The following SLC12A5 variants were observed in gnomAD, a reference collection of about 807,000 sequenced individuals.
SLC12A5 encodes the protein K-Cl cotransporter 2.
A neutral mutation model predicts 124.0 loss-of-function variants in SLC12A5; 18 were observed. The observed-to-expected ratio is 0.15, with a 90% confidence interval of 0.10 to 0.22. SLC12A5 has a LOEUF of 0.22. Among genes scored for constraint, SLC12A5 ranks in the 10% least tolerant of loss-of-function variants. The probability of loss-of-function intolerance (pLI) is 1.00; values close to 1 mark genes in which losing one functional copy is unlikely to be tolerated. For missense variants in SLC12A5, 867 were observed against 1,478.7 expected, an observed-to-expected ratio of 0.59 and a Z score of 6.78; for synonymous variants, 589 against 568.0, an observed-to-expected ratio of 1.04 and a Z score of -0.53.
intron 21 of SLC12A5, chr20:46,055,804 C>A: frequency 3.6e-6 from 1 of 277,636 alleles, no homozygotes; most frequent in Non-Finnish European, 6.9e-6. Context: ...ATGGATCCTC[C>A]AAGGCTGGGA....
intron 6 of SLC12A5, among the ~76,000 whole-genome samples, chr20:46,039,490 T>C (rs1199335955): frequency 6.6e-6 from 1 of 152,202 alleles, no homozygotes; most frequent in Non-Finnish European, 1.5e-5. Context: ...ATCTATGTCA[T>C]CTGGCCGGGC....
At chr20:46,030,743 G>A (rs558987495) in intron 1 of SLC12A5, among the ~76,000 whole-genome samples, 10 of 151,904 alleles carry the variant, frequency 6.6e-5, no homozygotes, top group African/African-American at 2.4e-4. Flanking sequence ...TGGATCTCAG[G>A]GCCAAGTGGC....
At chr20:46,046,477 C>T (rs755056658) in intron 14 of SLC12A5, 41 bp downstream of exon 14, 27 of 1,560,750 alleles carry the variant, frequency 1.7e-5, no homozygotes, top group East Asian at 4.5e-5. Flanking sequence ...GCCACTTGCT[C>T]ACCTCCACGC....
intron 17 of SLC12A5, 139 bp downstream of exon 17, chr20:46,049,929 G>A: frequency 1.8e-6 from 2 of 1,101,164 alleles, no homozygotes; most frequent in Non-Finnish European, 2.5e-6. Context: ...CTTAGAGGAA[G>A]AGCCTAAGAG....
In SLC12A5 at chr20:46,048,007, T is replaced by C; in HGVS notation, c.1934T>C (p.Ile645Thr). The C allele has an allele frequency of 6.2e-7, 1 of 1,612,336 alleles. No homozygotes were observed. The highest frequency in any genetic ancestry group is 1.6e-4 in the Middle Eastern group (1 of 6,062). ...RGAEKEWGDG[I>T]RGLSLSAARY... The stretch of plus-strand genomic sequence containing the variant: ...GCAGAGAAGGAGTGGGGCGATGGGA[T>C]ACGAGGTCTGTCTCTCAGTGCGGCT... Residue 645 changes from isoleucine to threonine, a missense_variant, in exon 16 of 26, where the codon ATA becomes ACA. Coordinates refer to ENST00000243964, the MANE Select transcript of SLC12A5 (RefSeq NM_020708.5).
In SLC12A5 at chr20:46,036,814, G is replaced by T. The variant is rs556823087; in HGVS notation, c.481+19G>T. 1.2e-6 allele frequency: 2 copies of T among 1,613,788 alleles called. No individual in the cohort carries two copies. The highest frequency in any genetic ancestry group is 2.2e-5 in the East Asian group (1 of 44,874). On this transcript the variant is annotated intron_variant, in intron 5 of 25. Transcript: ENST00000243964. Reference sequence around the variant, plus strand: ...GTGCCTGGTAGGTGACTGGGGCTTTGTGGGGAGGGAGGATGGCTGGGTGGA... The same window carrying T: ...GTGCCTGGTAGGTGACTGGGGCTTTTTGGGGAGGGAGGATGGCTGGGTGGA...
chr20:46,026,835 G>T (rs1298450990), upstream of SLC12A5, among the ~76,000 whole-genome samples: 2 of 152,156 alleles, frequency 1.3e-5, no homozygotes, highest in Non-Finnish European at 2.9e-5. Flanking sequence ...TAGTGAAGGT[G>T]GACAGATGGG....
chr20:46,036,370 C>G (rs2084498440), intron 4 of SLC12A5, among the ~76,000 whole-genome samples: 2 of 152,204 alleles, frequency 1.3e-5, no homozygotes, highest in African/African-American at 4.8e-5. Context: ...TCGTACATAA[C>G]CTTGAGACAG....
chr20:46,045,008 G>A lies in SLC12A5; in HGVS notation c.1437G>A (p.Leu479=), dbSNP rs755333197. 36 of 1,614,176 alleles carry A rather than the reference G, an allele frequency of 2.2e-5. No individual in the cohort carries two copies. Among genetic ancestry groups the A allele is most frequent in the Non-Finnish European group, 3.0e-5 (35 of 1,180,024 alleles). ...ATGGCAACCTCGTGGTGGGCACTCT[G>A]GCCTGGCCATCTCCATGGGTAATTG... ...AVNGNLVVGT[L]AWPSPWVIVI... The change falls in exon 12 of 26, where the codon CTG becomes CTA. Residue 479 remains leucine (L), a synonymous_variant. Coordinates refer to ENST00000243964, the MANE Select transcript of SLC12A5 (RefSeq NM_020708.5). This position sits in a 1 kb window ranked among gnomAD's most constrained non-coding sequence, Gnocchi z 4.9.
rs1018667056 is a variant in SLC12A5 at position 46,045,341 on chromosome 20, G to C, written c.1569+201G>C. On this transcript the variant is annotated intron_variant, in intron 12 of 25. Coordinates refer to ENST00000243964, the MANE Select transcript of SLC12A5 (RefSeq NM_020708.5). This position sits in a 1 kb window ranked among gnomAD's most constrained non-coding sequence, Gnocchi z 4.9. Reference sequence around the variant, plus strand: ...TGTGGGGTGTCAGGAGTTGGGCAGGGCATTGGGTGGTGCCCTGTCTGTGGC... The same window carrying C: ...TGTGGGGTGTCAGGAGTTGGGCAGGCCATTGGGTGGTGCCCTGTCTGTGGC... 1.3e-5 allele frequency among the ~76,000 whole-genome samples: 2 copies of C among 152,194 alleles called. No homozygotes were observed. Among genetic ancestry groups the C allele is most frequent in the Non-Finnish European group, 2.9e-5 (2 of 68,028 alleles).
rs781152138 is a variant in SLC12A5, at chr20:46,056,568, C to T, written c.3110+4C>T. The T allele has an allele frequency of 1.4e-5, 22 of 1,612,938 alleles. No individual in the cohort carries two copies. Among genetic ancestry groups the T allele is most frequent in the East Asian group, 6.7e-5 (3 of 44,876 alleles). The stretch of plus-strand genomic sequence containing the variant: ...AGGACTTCTTCAGCATGAAGCCGTA[C>T]GGGCCTGGGGGCTAAGGGCTGGGGG... On this transcript the variant is annotated splice_donor_region_variant and intron_variant, in intron 23 of 25. Coordinates refer to ENST00000243964, the MANE Select transcript of SLC12A5 (RefSeq NM_020708.5). The surrounding 1 kb of genome is among the most constrained non-coding windows in gnomAD (Gnocchi z 4.3).
upstream of SLC12A5, among the ~76,000 whole-genome samples, chr20:46,024,653 G>A (rs906820699): frequency 6.6e-6 from 1 of 152,192 alleles, no homozygotes. Context: ...TGCCACTTGG[G>A]GGGCTTTCTG....
chr20:46,043,023 A>C, intron 8 of SLC12A5, 130 bp from the exon 9 acceptor site: 1 of 891,528 alleles, frequency 1.1e-6, no homozygotes, highest in Non-Finnish European at 1.8e-6. Context: ...GAAATGAAAT[A>C]GAGATAAGGC....
At chr20:46,047,245 G>C (rs1189211321) in intron 14 of SLC12A5, among the ~76,000 whole-genome samples, 1 of 152,178 alleles carries the variant, frequency 6.6e-6, no homozygotes, top group African/African-American at 2.4e-5. Context: ...AGGGCATTGG[G>C]TAGTGCCCTG....
intron 4 of SLC12A5, 26 bp downstream of exon 4, chr20:46,035,949 C>A (rs532451574): frequency 3.1e-6 from 5 of 1,590,626 alleles, no homozygotes; most frequent in Admixed American, 1.7e-5. Context: ...CCCCTCACCA[C>A]CCCCTGACAG....
Position 46,045,020 on chromosome 20 carries a change from T to C in SLC12A5, c.1449T>C (p.Ser483=), listed in dbSNP as rs2084581452. 1 of 1,614,060 alleles carries C rather than the reference T, an allele frequency of 6.2e-7. No individual in the cohort carries two copies. The highest frequency in any genetic ancestry group is 1.3e-5 in the African/African-American group (1 of 74,936). Reference sequence around the variant, plus strand: ...TGGTGGGCACTCTGGCCTGGCCATCTCCATGGGTAATTGTCATCGGATCCT... The same window carrying C: ...TGGTGGGCACTCTGGCCTGGCCATCCCCATGGGTAATTGTCATCGGATCCT... The part of the protein sequence containing the change: ...NLVVGTLAWP[S]PWVIVIGSFF... The change falls in exon 12 of 26, where the codon TCT becomes TCC. Residue 483 remains serine (S), a synonymous_variant. Coordinates refer to ENST00000243964, the MANE Select transcript of SLC12A5 (RefSeq NM_020708.5). This position sits in a 1 kb window ranked among gnomAD's most constrained non-coding sequence, Gnocchi z 4.9.
chr20:46,034,805 C>A, intron 1 of SLC12A5, 143 bp from the exon 2 acceptor site: 1 of 727,164 alleles, frequency 1.4e-6, no homozygotes, highest in South Asian at 1.6e-5. Flanking sequence ...TCAACTGCAA[C>A]CCTGCAAGGA....
intron 1 of SLC12A5, chr20:46,022,020 G>T: frequency 3.7e-6 from 4 of 1,083,550 alleles, no homozygotes; most frequent in Non-Finnish European, 2.4e-6. Context: ...CCTGAGAGGG[G>T]AATGGAGCCA....
chr20:46,027,354 T>C (rs1056570154), upstream of SLC12A5, among the ~76,000 whole-genome samples: 8 of 152,212 alleles, frequency 5.3e-5, no homozygotes, highest in African/African-American at 1.9e-4. Flanking sequence ...AGAGGCACTT[T>C]TGAGTCAGCT....
Sources: gnomAD v4.1 joint callset for allele counts (sites outside exome capture counted in the v4.1 genomes callset) on GRCh38, gnomAD v4.1.1 for gene constraint, Gnocchi (gnomAD v3.1) non-coding constraint, MANE v1.5 for transcripts, NCBI Gene and HGNC (gene_info 2026-07-23, HGNC 2026-07-21) for gene names.